The following WDR64 variants were observed in gnomAD, a reference collection of about 807,000 sequenced individuals.
WDR64 encodes the protein WD repeat-containing protein 64.
In WDR64, 112 loss-of-function variants were observed where a neutral mutation model predicts 139.3. The observed-to-expected ratio is 0.80, with a 90% CI of 0.69 to 0.94. The LOEUF (loss-of-function observed/expected upper bound fraction) is 0.94. WDR64 is among the 40% of genes least tolerant of loss of function. The probability of loss-of-function intolerance (pLI) is 0.00; values close to 1 mark genes in which losing one functional copy is unlikely to be tolerated. For synonymous variants in WDR64, 444 were observed against 437.7 expected (o/e 1.01, Z -0.18); for missense variants, 1,206 against 1,293.1 (o/e 0.93, Z 1.03).
At chr1:241,678,418 TAAAC>T (rs953415379) in intron 5 of WDR64, among the ~76,000 whole-genome samples, 14 of 152,208 alleles carry the variant, frequency 9.2e-5, no homozygotes, top group African/African-American at 3.4e-4. Context: ...TTTCCGGAGT[TAAAC>T]TGACTGCAGA....
At chr1:241,684,898 C>T (rs1666949431) in intron 7 of WDR64, among the ~76,000 whole-genome samples, 1 of 152,116 alleles carries the variant, frequency 6.6e-6, no homozygotes, top group Non-Finnish European at 1.5e-5. Context: ...GCTGAGATTA[C>T]AGGCACGTGC....
rs1434547668 is a variant in WDR64 at position 241,744,251 on chromosome 1, C to G, written c.1471-142C>G. 8.8e-6 allele frequency: 9 copies of G among 1,024,240 alleles called. No homozygotes were observed. The East Asian group carries it at 2.3e-4, about 26-fold the overall frequency. The allele number at this position is 1,024,240 out of a possible 1,614,324, so 63.4% of individuals were successfully genotyped here. A position where few individuals can be genotyped will look rare whatever the true frequency, so the allele number is the denominator to read the frequency against. ...CTTTTAGAACTTTCTTTGATAAAAC[C>G]AACATTCAGGGCAGAGCGCTAGGAA... On this transcript the variant is annotated intron_variant, in intron 12 of 27. Coordinates refer to ENST00000437684, the MANE Select transcript of WDR64 (RefSeq NM_001367482.1).
At chr1:241,696,002 T>A (rs1574016193) in intron 8 of WDR64, among the ~76,000 whole-genome samples, 1 of 150,092 alleles carries the variant, frequency 6.7e-6, no homozygotes. Context: ...TGGTCCCAGC[T>A]ACTTGGGAGG....
Position 241,687,476 on chromosome 1 carries a change from A to G in WDR64, c.855A>G (p.Leu285=), listed in dbSNP as rs765390790. The change falls in exon 8 of 28, where the codon CTA becomes CTG. Residue 285 remains leucine (L), a synonymous_variant. Transcript: ENST00000437684. The part of the protein sequence containing the change: ...SKNFKSVKRK[L]HNDWVMKIRY... ...TAATCCCCAGTGTTAAAAGGAAGCT[A>G]CATAATGACTGGGTTATGAAAATTA... 2 of 1,613,802 alleles carry G rather than the reference A, an allele frequency of 1.2e-6. No individual in the cohort carries two copies. The highest frequency in any genetic ancestry group is 1.7e-5 in the Admixed American group (1 of 59,968).
At chr1:241,772,756 C>A in intron 19 of WDR64, 36 bp from the exon 20 acceptor site, 2 of 1,548,458 alleles carry the variant, frequency 1.3e-6, no homozygotes, top group Non-Finnish European at 1.7e-6. Flanking sequence ...AGCCACCACG[C>A]CTGGCCTCAT....
At chr1:241,674,246 C>G (rs375574399) in intron 3 of WDR64, among the ~76,000 whole-genome samples, 4 of 83,236 alleles carry the variant, frequency 4.8e-5, no homozygotes, top group African/African-American at 1.5e-4. Context: ...GGCTGTTTAT[C>G]TTTTTTTTTC....
intron 9 of WDR64, among the ~76,000 whole-genome samples, chr1:241,722,369 T>C (rs1668642933): frequency 6.6e-6 from 1 of 152,148 alleles, no homozygotes; most frequent in African/African-American, 2.4e-5. Context: ...AGCAATATGT[T>C]TAAAAGTGAT....
rs116731740 is a variant in WDR64 at position 241,793,631 on chromosome 1, T to C, written c.2998-1576T>C. On this transcript the variant is annotated intron_variant, in intron 25 of 27. Transcript: ENST00000437684. Reference sequence around the variant, plus strand: ...CCAAATGGAGCTCAGGTACCTTCTTTTCCCTGAAGACAGGGTGCTAAGGAG... The same window carrying C: ...CCAAATGGAGCTCAGGTACCTTCTTCTCCCTGAAGACAGGGTGCTAAGGAG... Among the ~76,000 whole-genome samples, 1,494 of 152,326 alleles carry C rather than the reference T, an allele frequency of 9.8e-3. 20 individuals carry two copies. Among genetic ancestry groups the C allele is most frequent in the African/African-American group, 0.034 (1,424 of 41,578 alleles).
chr1:241,734,225 C>A (rs990649649), intron 10 of WDR64, among the ~76,000 whole-genome samples: 1 of 152,078 alleles, frequency 6.6e-6, no homozygotes, highest in African/African-American at 2.4e-5. Context: ...CCTTTCCGGA[C>A]TTAACCAATG....
chr1:241,756,552 AG>A (rs1199629602), intron 14 of WDR64, among the ~76,000 whole-genome samples: 6 of 152,128 alleles, frequency 3.9e-5, no homozygotes, highest in Admixed American at 2.0e-4. Flanking sequence ...TAAAAATTAA[AG>A]GGTCCCATTT....
intron 16 of WDR64, among the ~76,000 whole-genome samples, chr1:241,766,707 A>G (rs6691911): frequency 0.55 from 71,851 of 131,316 alleles, 17,920 homozygotes; most frequent in African/African-American, 0.68. Context: ...TCAGTATAAA[A>G]AAAAAAAAAA....
At chr1:241,701,294 A>G (rs940654359) in intron 8 of WDR64, among the ~76,000 whole-genome samples, 1 of 143,280 alleles carries the variant, frequency 7.0e-6, no homozygotes, top group Non-Finnish European at 1.5e-5. Flanking sequence ...ACACACACAC[A>G]CTCACACACA....
rs185410624 is a variant in WDR64, at chr1:241,721,296, T to A, written c.1055-2001T>A. Among the ~76,000 whole-genome samples the A allele has an allele frequency of 7.9e-5, 12 of 152,270 alleles. No homozygotes were observed. In the East Asian group the frequency reaches 2.3e-3, roughly 29 times the overall value. Reference sequence around the variant, plus strand: ...TGTTCAGGCTCTTTTTTGGTTCCACTTAAATTTTAAAATAGTTTCTTCTAA... The same window carrying A: ...TGTTCAGGCTCTTTTTTGGTTCCACATAAATTTTAAAATAGTTTCTTCTAA... On this transcript the variant is annotated intron_variant, in intron 9 of 27. Coordinates refer to ENST00000437684, the MANE Select transcript of WDR64 (RefSeq NM_001367482.1).
chr1:241,740,329 G>T (rs1450877639), intron 11 of WDR64, among the ~76,000 whole-genome samples: 1 of 152,158 alleles, frequency 6.6e-6, no homozygotes, highest in Admixed American at 6.5e-5. Flanking sequence ...TAATGAAAAG[G>T]ATCTACCAAA....
Position 241,802,286 on chromosome 1 carries a change from T to C in WDR64, c.*1071T>C, listed in dbSNP as rs1659548964. 6.6e-6 allele frequency among the ~76,000 whole-genome samples: 1 copy of C among 152,140 alleles called. No individual in the cohort carries two copies. On this transcript the variant is annotated 3_prime_UTR_variant, in exon 28 of 28. Coordinates refer to ENST00000437684, the MANE Select transcript of WDR64 (RefSeq NM_001367482.1). ...AGAATATGTTAAGTCAAAAAAACTT[T>C]ACAGAAAGAATACATGTTGTATGAT...
intron 8 of WDR64, among the ~76,000 whole-genome samples, chr1:241,707,932 C>G (rs972069076): frequency 2.0e-5 from 3 of 152,060 alleles, no homozygotes; most frequent in Non-Finnish European, 4.4e-5. Context: ...CTCCTGACCT[C>G]ACGTCCACAG....
intron 19 of WDR64, among the ~76,000 whole-genome samples, chr1:241,771,978 ATATATATATAT>A (rs1658470954): frequency 7.8e-6 from 1 of 128,070 alleles, no homozygotes; most frequent in African/African-American, 3.0e-5. Context: ...ATATATATAT[ATATATATATAT>A]TCTTTTTGGA....
chr1:241,771,245 C>A (rs1485052089), intron 18 of WDR64, among the ~76,000 whole-genome samples: 1 of 152,198 alleles, frequency 6.6e-6, no homozygotes, highest in Non-Finnish European at 1.5e-5. Context: ...AAAAGCCAGA[C>A]AGATTGTACT....
intron 8 of WDR64, among the ~76,000 whole-genome samples, chr1:241,706,374 T>C (rs890041491): frequency 1.3e-5 from 2 of 152,214 alleles, no homozygotes; most frequent in African/African-American, 4.8e-5. Flanking sequence ...GGTGACAAGA[T>C]AAGACAGGGT....
Sources: gnomAD v4.1 joint callset for allele counts (sites outside exome capture counted in the v4.1 genomes callset) on GRCh38, gnomAD v4.1.1 for gene constraint, MANE v1.5 for transcripts, NCBI Gene and HGNC (gene_info 2026-07-23, HGNC 2026-07-21) for gene names.